SPIDR: variants seen among roughly 807,000 people sequenced by gnomAD.
The protein encoded by SPIDR is scaffold protein involved in DNA repair.
Under a neutral mutation model 104.6 loss-of-function variants are expected in SPIDR, and 93 were observed. That is an observed-to-expected ratio of 0.89 (90% confidence interval 0.75 to 1.06). The LOEUF (loss-of-function observed/expected upper bound fraction) is 1.06. Ranked by LOEUF, SPIDR falls within the 50% of genes least tolerant of loss-of-function variation. The pLI is 0.00. For synonymous variants in SPIDR, 431 were observed against 416.9 expected (o/e 1.03, Z -0.41); for missense variants, 1,154 against 1,111.2 (o/e 1.04, Z -0.55).
At chr8:47,515,000 C>T (rs766253472) in intron 8 of SPIDR, among the ~76,000 whole-genome samples, 5 of 152,106 alleles carry the variant, frequency 3.3e-5, no homozygotes, top group Non-Finnish European at 5.9e-5. Flanking sequence ...ATTTTAAACA[C>T]GATTTCCTGT....
chr8:47,277,746 C>G (rs962316443), intron 1 of SPIDR, among the ~76,000 whole-genome samples: 1 of 147,068 alleles, frequency 6.8e-6, no homozygotes, highest in Non-Finnish European at 1.5e-5. Context: ...TCAAACTTGG[C>G]TCACTGCAAC....
At chr8:47,712,593 C>T in intron 14 of SPIDR, 69 bp from the exon 15 acceptor site, 1 of 1,479,266 alleles carries the variant, frequency 6.8e-7, no homozygotes, top group Non-Finnish European at 9.3e-7. Context: ...TGTATAACTT[C>T]TGCTTTTAAA....
chr8:47,511,739 G>T, intron 8 of SPIDR: 1 of 1,283,208 alleles, frequency 7.8e-7, no homozygotes, highest in East Asian at 2.3e-5. Flanking sequence ...TTGGTCACTC[G>T]CTCCACAGCT....
At chr8:47,577,548 C>G (rs892282612) in intron 8 of SPIDR, among the ~76,000 whole-genome samples, 7 of 152,178 alleles carry the variant, frequency 4.6e-5, no homozygotes, top group African/African-American at 1.7e-4. Context: ...GGTTCTGCAT[C>G]CACAACCAAA....
intron 8 of SPIDR, among the ~76,000 whole-genome samples, chr8:47,501,610 C>G (rs969173351): frequency 2.6e-5 from 4 of 152,184 alleles, no homozygotes; most frequent in Non-Finnish European, 5.9e-5. Flanking sequence ...TTGACTTCCT[C>G]TTTTCCTAAT....
intron 8 of SPIDR, among the ~76,000 whole-genome samples, chr8:47,544,485 TTAACTC>T (rs1193138176): frequency 1.3e-5 from 2 of 152,262 alleles, no homozygotes; most frequent in Non-Finnish European, 2.9e-5. Flanking sequence ...CATTTTGTAT[TTAACTC>T]TATGATCTAT....
At chr8:47,610,765 T>A (rs1240856734) in intron 10 of SPIDR, among the ~76,000 whole-genome samples, 1 of 152,236 alleles carries the variant, frequency 6.6e-6, no homozygotes, top group Non-Finnish European at 1.5e-5. Context: ...CAGATGCCCT[T>A]GTTTCTTCCT....
intron 5 of SPIDR, among the ~76,000 whole-genome samples, chr8:47,363,004 A>G (rs1554631306): frequency 6.6e-6 from 1 of 151,646 alleles, no homozygotes; most frequent in Admixed American, 6.6e-5. Flanking sequence ...ACCTGTTCTC[A>G]CCAAATCCTA....
At chr8:47,377,286 A>G (rs1359402228) in intron 5 of SPIDR, among the ~76,000 whole-genome samples, 1 of 152,248 alleles carries the variant, frequency 6.6e-6, no homozygotes, top group Non-Finnish European at 1.5e-5. Flanking sequence ...TAAAATTAAT[A>G]CAATCCGATA....
intron 4 of SPIDR, among the ~76,000 whole-genome samples, chr8:47,293,342 A>G: frequency 6.6e-6 from 1 of 152,246 alleles, no homozygotes; most frequent in East Asian, 1.9e-4. Context: ...GAGAAACTCT[A>G]CAAAGATACA....
intron 7 of SPIDR, among the ~76,000 whole-genome samples, chr8:47,438,729 C>T (rs1428623342): frequency 6.7e-6 from 1 of 149,308 alleles, no homozygotes; most frequent in African/African-American, 2.6e-5. Context: ...AAGACAGTGC[C>T]CAGAAATAGT....
intron 10 of SPIDR, among the ~76,000 whole-genome samples, chr8:47,627,059 T>C (rs1350247942): frequency 6.6e-6 from 1 of 152,082 alleles, no homozygotes; most frequent in Non-Finnish European, 1.5e-5. Flanking sequence ...TATGCAGCCA[T>C]AAAAAATGAT....
chr8:47,729,669 T>G lies in SPIDR; in HGVS notation c.2604+204T>G. On this transcript the variant is annotated intron_variant, in intron 19 of 19. Transcript: ENST00000297423. ...TTTCCTCTGTGGAAATGAGGTTATT[T>G]TAGATCATTGTTGAGGTAGATGCAG... 3.4e-6 allele frequency: 2 copies of G among 589,906 alleles called. 1 individual carries two copies. The allele number at this position is 589,906 out of a possible 1,614,324, so 36.5% of individuals were successfully genotyped here.
At chr8:47,317,183 C>CA (rs1375374799) in intron 5 of SPIDR, among the ~76,000 whole-genome samples, 4 of 152,160 alleles carry the variant, frequency 2.6e-5, no homozygotes, top group Admixed American at 2.6e-4. Context: ...CGCAAGGGGT[C>CA]AGGGAATTCC....
intron 5 of SPIDR, among the ~76,000 whole-genome samples, chr8:47,395,228 A>G (rs2061122122): frequency 6.6e-6 from 1 of 152,112 alleles, no homozygotes. Context: ...GGGCACCTGT[A>G]ATCCCAGCTA....
chr8:47,503,619 A>G (rs1275786933), intron 8 of SPIDR, among the ~76,000 whole-genome samples: 1 of 152,184 alleles, frequency 6.6e-6, no homozygotes, highest in Non-Finnish European at 1.5e-5. Context: ...TAATTGGCGC[A>G]TTTAGCCCAT....
chr8:47,683,381 T>C (rs1225487770), intron 11 of SPIDR, among the ~76,000 whole-genome samples: 1 of 152,136 alleles, frequency 6.6e-6, no homozygotes. Flanking sequence ...TTTGCTGTAG[T>C]GGGTGAACAT....
chr8:47,308,591 G>A (rs2043543868), intron 5 of SPIDR, among the ~76,000 whole-genome samples: 1 of 138,426 alleles, frequency 7.2e-6, no homozygotes, highest in Admixed American at 7.5e-5. Context: ...AAGGGAAAAA[G>A]AGAAAAACTA....
intron 8 of SPIDR, among the ~76,000 whole-genome samples, chr8:47,510,631 C>T (rs879715084): frequency 5.3e-5 from 8 of 151,474 alleles, no homozygotes; most frequent in Non-Finnish European, 1.0e-4. Context: ...TGTAGTTGCA[C>T]AAACAGTTAA....
Sources: gnomAD v4.1 joint callset for allele counts (sites outside exome capture counted in the v4.1 genomes callset) on GRCh38, gnomAD v4.1.1 for gene constraint, MANE v1.5 for transcripts, NCBI Gene and HGNC (gene_info 2026-07-23, HGNC 2026-07-21) for gene names.